Variants in ZNF469 observed in about 807,000 individuals in gnomAD.
ZNF469 encodes the protein zinc finger protein 469.
A neutral mutation model predicts 1.0 loss-of-function variants in ZNF469; 1 was observed. That is an observed-to-expected ratio of 1.00 (90% CI 0.35 to 4.73). The LOEUF is 4.73. Ranked by LOEUF, ZNF469 falls within the 30% of genes most tolerant of loss-of-function variation. ZNF469 has a pLI of 0.16. For synonymous variants in ZNF469, 2,703 were observed against 2,363.4 expected (o/e 1.14, Z -4.17); for missense variants, 6,100 against 5,356.3 (o/e 1.14, Z -4.33).
At chr16:88,366,131 T>TCATCATCAC in the ZNF469 span, among the ~76,000 whole-genome samples, 15 of 148,748 alleles carry the variant, frequency 1.0e-4, no homozygotes, top group African/African-American at 3.8e-4. Context: ...ATCATCACCA[T>TCATCATCAC]CATCATCACC....
Position 88,432,262 on chromosome 16 carries a change from G to A in ZNF469, c.4792G>A (p.Glu1598Lys), listed in dbSNP as rs1226969381. ...LAEAESVGRV[E>K]LGTGTEPPSQ... is the part of the protein sequence containing the mutation. ...AGAAGCTGAGTCGGTGGGCAGGGTG[G>A]AGCTCGGCACAGGCACAGAGCCACC... Residue 1598 changes from glutamate to lysine, a missense_variant, in exon 3 of 3, where the codon GAG (glutamate) becomes AAG (lysine). Coordinates refer to ENST00000565624, the MANE Select transcript of ZNF469 (RefSeq NM_001367624.2). 6.5e-7 allele frequency: 1 copy of A among 1,547,760 alleles called. No homozygotes were observed. The highest frequency in any genetic ancestry group is 8.7e-7 in the Non-Finnish European group (1 of 1,146,976).
chr16:88,142,238 G>A, the ZNF469 span, among the ~76,000 whole-genome samples: 1 of 152,214 alleles, frequency 6.6e-6, no homozygotes, highest in African/African-American at 2.4e-5. Flanking sequence ...CTGGGCGGGG[G>A]GTCTGGGAAA....
At chr16:88,170,575 G>A in the ZNF469 span, among the ~76,000 whole-genome samples, 2 of 152,116 alleles carry the variant, frequency 1.3e-5, no homozygotes, top group Non-Finnish European at 2.9e-5. The surrounding 1 kb of genome is among the most constrained non-coding windows in gnomAD (Gnocchi z 4.2). Context: ...TTGGCATGAC[G>A]TCCTCCAGCC....
the ZNF469 span, among the ~76,000 whole-genome samples, chr16:88,293,735 A>G: frequency 6.6e-6 from 1 of 152,136 alleles, no homozygotes; most frequent in Non-Finnish European, 1.5e-5. Flanking sequence ...CTATAGGGAG[A>G]CCAGCACTAA....
chr16:88,106,682 G>C, the ZNF469 span, among the ~76,000 whole-genome samples: 1 of 152,352 alleles, frequency 6.6e-6, no homozygotes. Flanking sequence ...GGTTGGGTGG[G>C]CCATGGCTGC....
the ZNF469 span, among the ~76,000 whole-genome samples, chr16:88,360,544 A>T: frequency 3.8e-5 from 4 of 104,472 alleles, no homozygotes; most frequent in African/African-American, 8.3e-5. Flanking sequence ...GCTCCCTCAA[A>T]GGCAGTCCAC....
chr16:88,388,191 A>T (rs1904387932), intron 1 of ZNF469, among the ~76,000 whole-genome samples: 1 of 152,200 alleles, frequency 6.6e-6, no homozygotes, highest in African/African-American at 2.4e-5. Context: ...GCCCCGGCCG[A>T]GGGAGCTGTG....
At chr16:88,365,500 C>A in the ZNF469 span, among the ~76,000 whole-genome samples, 1 of 152,232 alleles carries the variant, frequency 6.6e-6, no homozygotes, top group East Asian at 1.9e-4. Flanking sequence ...ATGAGGCTAG[C>A]ATGGGGGAGC....
the ZNF469 span, among the ~76,000 whole-genome samples, chr16:88,377,362 G>T: frequency 6.6e-5 from 10 of 152,180 alleles, no homozygotes; most frequent in Non-Finnish European, 1.3e-4. Context: ...CTACTCTCCC[G>T]CTGGGCCCGC....
At position 88,430,591 on chromosome 16, in the gene ZNF469, G is replaced by C; in HGVS notation, c.3121G>C (p.Ala1041Pro). The C allele has an allele frequency of 1.3e-6, 2 of 1,503,082 alleles. No individual in the cohort carries two copies. Among genetic ancestry groups the C allele is most frequent in the South Asian group, 1.2e-5 (1 of 80,324 alleles). 93.1% of individuals were successfully genotyped at this position (1,503,082 alleles called of 1,614,324 possible). The change falls in exon 3 of 3, where the codon GCT becomes CCT. Residue 1041 changes from alanine to proline, a missense_variant. Transcript: ENST00000565624. The stretch of plus-strand genomic sequence containing the variant: ...CAGGAAGGACCCCAGGAAGAGGAAG[G>C]CTCGGGGCGGCGCCTGGGGCAAGGA... Reference protein sequence around the residue: ...PPRKDPRKRKARGGAWGKELI... With the variant: ...PPRKDPRKRKPRGGAWGKELI...
rs1374581727 is a variant in ZNF469, at chr16:88,434,399, G to T, written c.6929G>T (p.Ser2310Ile). The T allele has an allele frequency of 1.3e-6, 2 of 1,549,808 alleles. No individual in the cohort carries two copies. The highest frequency in any genetic ancestry group is 1.7e-6 in the Non-Finnish European group (2 of 1,146,940). ...GGACTCCCAGGGCCAGACCCCCAGA[G>T]CAGGGGAGCCCCGCCCCACACCAAC... Reference protein sequence around the residue: ...GRGLPGPDPQSRGAPPHTNPD... With the variant: ...GRGLPGPDPQIRGAPPHTNPD... Residue 2310 changes from serine to isoleucine, a missense_variant, in exon 3 of 3, where the codon AGC (serine) becomes ATC (isoleucine). Coordinates refer to ENST00000565624, the MANE Select transcript of ZNF469 (RefSeq NM_001367624.2).
the ZNF469 span, among the ~76,000 whole-genome samples, chr16:88,173,080 A>G: frequency 6.6e-6 from 1 of 152,192 alleles, no homozygotes; most frequent in African/African-American, 2.4e-5. Flanking sequence ...CGTTTTTTGA[A>G]TTTGTTGGAA....
At chr16:88,415,233 C>T (rs1307527267) in intron 1 of ZNF469, among the ~76,000 whole-genome samples, 1 of 152,182 alleles carries the variant, frequency 6.6e-6, no homozygotes, top group Non-Finnish European at 1.5e-5. Flanking sequence ...CAGGATCTGT[C>T]AGGCCAGTGC....
the ZNF469 span, among the ~76,000 whole-genome samples, chr16:88,165,143 G>A: frequency 6.6e-6 from 1 of 152,226 alleles, no homozygotes; most frequent in Non-Finnish European, 1.5e-5. Context: ...CGAAGGTAGA[G>A]GCAGCAGGGC....
chr16:88,324,419 G>T, the ZNF469 span, among the ~76,000 whole-genome samples: 1 of 152,256 alleles, frequency 6.6e-6, no homozygotes, highest in African/African-American at 2.4e-5. Flanking sequence ...AGAGCTCTCA[G>T]GTGTGAACAC....
chr16:88,102,080 T>A, the ZNF469 span, among the ~76,000 whole-genome samples: 1 of 111,368 alleles, frequency 9.0e-6, no homozygotes, highest in South Asian at 3.4e-4. Flanking sequence ...CCCCGCCCAG[T>A]GTCCTTACGC....
At chr16:88,219,557 G>A in the ZNF469 span, among the ~76,000 whole-genome samples, 3 of 147,390 alleles carry the variant, frequency 2.0e-5, no homozygotes, top group Non-Finnish European at 4.5e-5. Flanking sequence ...GGGAAAACTG[G>A]CTAGCCATAT....
chr16:88,198,311 G>T, the ZNF469 span, among the ~76,000 whole-genome samples: 1 of 152,222 alleles, frequency 6.6e-6, no homozygotes, highest in African/African-American at 2.4e-5. Context: ...CCCCAGCGGG[G>T]GACTTTGGAG....
the ZNF469 span, among the ~76,000 whole-genome samples, chr16:88,198,368 G>A: frequency 1.3e-5 from 2 of 152,174 alleles, no homozygotes; most frequent in African/African-American, 2.4e-5. Context: ...CTCATTACAT[G>A]TGTTAAAGCC....
Sources: allele counts gnomAD v4.1 joint callset (sites outside exome capture counted in the v4.1 genomes callset), GRCh38; gene constraint gnomAD v4.1.1; non-coding constraint Gnocchi (gnomAD v3.1); transcripts MANE v1.5; gene names NCBI Gene and HGNC (gene_info 2026-07-23, HGNC 2026-07-21).